The following SV2B variants were observed in gnomAD, a reference collection of about 807,000 sequenced individuals.
SV2B encodes synaptic vesicle glycoprotein 2B, also known as solute carrier family 22 member B2.
A neutral mutation model predicts 73.9 loss-of-function variants in SV2B; 41 were observed. That is an observed-to-expected ratio of 0.56 (90% CI 0.43 to 0.72). SV2B has a LOEUF of 0.72. Among genes scored for constraint, SV2B ranks in the 30% least tolerant of loss-of-function variants. SV2B has a pLI of 0.00. For missense variants in SV2B, 764 were observed against 857.8 expected (o/e 0.89, Z 1.37); for synonymous variants, 314 against 314.2 (o/e 1.00, Z 0.01).
At chr15:91,244,906 T>C (rs1177202274) in intron 2 of SV2B, among the ~76,000 whole-genome samples, 1 of 152,224 alleles carries the variant, frequency 6.6e-6, no homozygotes, top group Non-Finnish European at 1.5e-5. Flanking sequence ...CAAATAAATA[T>C]TTGAGTCACT....
In SV2B at chr15:91,267,218, AT is replaced by A. The variant is rs2048135056; in HGVS notation, c.1120-336del. On this transcript the variant is annotated intron_variant, in intron 7 of 12. Coordinates refer to ENST00000394232, the MANE Select transcript of SV2B (RefSeq NM_001323032.3). This position sits in a 1 kb window ranked among gnomAD's most constrained non-coding sequence, Gnocchi z 4.3. ...TGTATGGTCAGTAAATGTTTGCAAT[AT>A]CCCCCTTGCCCACAGGCAGGGAGTA... Among the ~76,000 whole-genome samples the A allele has an allele frequency of 6.6e-6, 1 of 152,194 alleles. No individual in the cohort carries two copies. Among genetic ancestry groups the A allele is most frequent in the Non-Finnish European group, 1.5e-5 (1 of 68,036 alleles).
At chr15:91,208,261 C>T (rs2045717517) in intron 1 of SV2B, among the ~76,000 whole-genome samples, 1 of 152,180 alleles carries the variant, frequency 6.6e-6, no homozygotes, top group Non-Finnish European at 1.5e-5. Flanking sequence ...TTTGCAAAAA[C>T]TGGTGTGTCT....
At chr15:91,175,954 A>G (rs1393702943) in intron 1 of SV2B, among the ~76,000 whole-genome samples, 2 of 151,824 alleles carry the variant, frequency 1.3e-5, no homozygotes, top group Non-Finnish European at 2.9e-5. Flanking sequence ...TTAGTTACAT[A>G]TGTATACATG....
chr15:91,247,610 AGTTGCTGGT>A (rs1047800267), intron 2 of SV2B, among the ~76,000 whole-genome samples: 2 of 152,190 alleles, frequency 1.3e-5, no homozygotes, highest in Non-Finnish European at 2.9e-5. Flanking sequence ...CCTGGCTGGC[AGTTGCTGGT>A]GTTGGAGAGG....
In SV2B at chr15:91,268,739, C is replaced by T; in HGVS notation, c.1373+134C>T. Reference sequence around the variant, plus strand: ...GCCAAGGCTGGTGTCATCATCACAACCTGTCATGGCTGCCAGTGACGCCAT... The same window carrying T: ...GCCAAGGCTGGTGTCATCATCACAATCTGTCATGGCTGCCAGTGACGCCAT... On this transcript the variant is annotated intron_variant, in intron 9 of 12. Coordinates refer to ENST00000394232, the MANE Select transcript of SV2B (RefSeq NM_001323032.3). This position sits in a 1 kb window ranked among gnomAD's most constrained non-coding sequence, Gnocchi z 4.4. 1 of 1,177,724 alleles carries T rather than the reference C, an allele frequency of 8.5e-7. No homozygotes were observed. The highest frequency in any genetic ancestry group is 1.2e-6 in the Non-Finnish European group (1 of 858,696). The allele number at this position is 1,177,724 out of a possible 1,614,324, so 73.0% of individuals were successfully genotyped here.
At position 91,241,364 on chromosome 15, in the gene SV2B, A is replaced by T. The variant is rs933647764; in HGVS notation, c.452-10455A>T. Among the ~76,000 whole-genome samples the T allele has an allele frequency of 3.3e-5, 5 of 152,028 alleles. No homozygotes were observed. Among genetic ancestry groups the T allele is most frequent in the Admixed American group, 1.3e-4 (2 of 15,266 alleles). ...ATCTGTCCCTAAACCCCGTTGCTGC[A>T]CCTGGGTGGTCAGGAACACAGAACA... On this transcript the variant is annotated intron_variant, in intron 2 of 12. Transcript: ENST00000394232. The surrounding 1 kb of genome is among the most constrained non-coding windows in gnomAD (Gnocchi z 4.8).
rs768373965 is a variant in SV2B, at chr15:91,226,385, A to G, written c.122A>G (p.Glu41Gly). The G allele has an allele frequency of 7.4e-6, 12 of 1,614,198 alleles. No homozygotes were observed. Among genetic ancestry groups the G allele is most frequent in the Non-Finnish European group, 1.0e-5 (12 of 1,180,030 alleles). Residue 41 changes from glutamate to glycine, a missense_variant, in exon 2 of 13, where the codon GAG becomes GGG. Transcript: ENST00000394232. Reference protein sequence around the residue: ...AQSDVTEGHDEEDEIYEGEYQ... With the variant: ...AQSDVTEGHDGEDEIYEGEYQ... ...AGTGATGTCACCGAAGGCCATGATG[A>G]GGAAGACGAGATCTATGAGGGCGAG...
At chr15:91,222,898 G>A (rs560157695) in intron 1 of SV2B, among the ~76,000 whole-genome samples, 1 of 152,264 alleles carries the variant, frequency 6.6e-6, no homozygotes, top group South Asian at 2.1e-4. Context: ...TATCATAGCT[G>A]TTTGATGTTG....
chr15:91,183,678 T>C (rs2044668291), intron 1 of SV2B, among the ~76,000 whole-genome samples: 1 of 152,222 alleles, frequency 6.6e-6, no homozygotes, highest in Non-Finnish European at 1.5e-5. Context: ...TGCGATGTAT[T>C]TGCCCAGGCA....
At chr15:91,266,877 G>A (rs2048124346) in intron 7 of SV2B, 185 bp downstream of exon 7, 1 of 472,376 alleles carries the variant, frequency 2.1e-6, no homozygotes, top group Admixed American at 3.8e-5. Flanking sequence ...GTGTGCCCTG[G>A]AGCTGAAAAC....
At chr15:91,259,151 T>A (rs2141646383) in intron 5 of SV2B, among the ~76,000 whole-genome samples, 1 of 152,248 alleles carries the variant, frequency 6.6e-6, no homozygotes, top group South Asian at 2.1e-4. Context: ...TCTTTAGAGC[T>A]GCTGGTTTTC....
In SV2B at chr15:91,301,460, G is replaced by T. The variant is rs1232435870; in HGVS notation, c.*8908G>T. The stretch of plus-strand genomic sequence containing the variant: ...TTAAAATAGTAGTAACAGTTGATCT[G>T]GTGATTGGTGAATACAGTTTAATCT... On this transcript the variant is annotated 3_prime_UTR_variant, in exon 13 of 13. Transcript: ENST00000394232. This position sits in a 1 kb window ranked among gnomAD's most constrained non-coding sequence, Gnocchi z 4.3. Among the ~76,000 whole-genome samples the T allele has an allele frequency of 6.6e-6, 1 of 152,112 alleles. No individual in the cohort carries two copies.
chr15:91,151,700 A>G (rs2043317430), intron 1 of SV2B, among the ~76,000 whole-genome samples: 2 of 152,232 alleles, frequency 1.3e-5, no homozygotes, highest in African/African-American at 2.4e-5. Flanking sequence ...CTTGGAAATG[A>G]CAAGGTTAAG....
intron 1 of SV2B, among the ~76,000 whole-genome samples, chr15:91,125,306 T>C (rs2042444787): frequency 6.6e-6 from 1 of 152,192 alleles, no homozygotes; most frequent in South Asian, 2.1e-4. Context: ...TAGCAGTGCA[T>C]GAGGGTATAA....
chr15:91,260,985 G>A (rs1017185706), intron 6 of SV2B, among the ~76,000 whole-genome samples: 13 of 152,180 alleles, frequency 8.5e-5, no homozygotes, highest in Non-Finnish European at 1.9e-4. Context: ...AGTTCAAGAT[G>A]AGATTTGTGT....
chr15:91,138,165 A>C (rs1407637924), intron 1 of SV2B, among the ~76,000 whole-genome samples: 1 of 152,120 alleles, frequency 6.6e-6, no homozygotes. Flanking sequence ...AATAACAAAA[A>C]CCAACCAAAA....
chr15:91,099,784 G>T (rs2041671584), upstream of SV2B, among the ~76,000 whole-genome samples: 1 of 152,076 alleles, frequency 6.6e-6, no homozygotes, highest in Non-Finnish European at 1.5e-5. Context: ...GTGATCAGAG[G>T]ATTCCCCTTC....
intron 1 of SV2B, among the ~76,000 whole-genome samples, chr15:91,111,567 C>G (rs1158999417): frequency 1.3e-5 from 2 of 152,026 alleles, no homozygotes; most frequent in African/African-American, 4.8e-5. Context: ...GTCTGATGAG[C>G]CTTGAAGGTT....
intron 6 of SV2B, among the ~76,000 whole-genome samples, chr15:91,263,179 CAG>C (rs1226338877): frequency 4.0e-5 from 6 of 150,896 alleles, no homozygotes; most frequent in Admixed American, 6.6e-5. Flanking sequence ...CACACAGACA[CAG>C]AGACACACAG....
Sources: allele counts gnomAD v4.1 joint callset (sites outside exome capture counted in the v4.1 genomes callset), GRCh38; gene constraint gnomAD v4.1.1; non-coding constraint Gnocchi (gnomAD v3.1); transcripts MANE v1.5; gene names NCBI Gene and HGNC (gene_info 2026-07-23, HGNC 2026-07-21).